The following TSHZ2 variants were observed in gnomAD, a reference collection of about 807,000 sequenced individuals.
TSHZ2 encodes the protein teashirt zinc finger homeobox 2.
Under a neutral mutation model 74.4 loss-of-function variants are expected in TSHZ2, and 21 were observed. That is an observed-to-expected ratio of 0.28 (90% CI 0.20 to 0.41). The LOEUF (loss-of-function observed/expected upper bound fraction) is 0.41, where lower values mean the gene tolerates loss of function less well. Ranked by LOEUF, TSHZ2 falls within the 10% of genes least tolerant of loss-of-function variation. TSHZ2 has a pLI of 1.00. For missense variants in TSHZ2, 1,244 were observed against 1,293.5 expected, an observed-to-expected ratio of 0.96 and a Z score of 0.59; for synonymous variants, 540 against 515.3, an observed-to-expected ratio of 1.05 and a Z score of -0.65.
chr20:53,238,729 C>T (rs1989995720), intron 1 of TSHZ2, among the ~76,000 whole-genome samples: 1 of 151,272 alleles, frequency 6.6e-6, no homozygotes, highest in African/African-American at 2.4e-5. Context: ...CCCAGAGGGC[C>T]AGAATCTCTG....
intron 2 of TSHZ2, among the ~76,000 whole-genome samples, chr20:53,318,645 G>C (rs1979123148): frequency 6.6e-6 from 1 of 152,178 alleles, no homozygotes; most frequent in East Asian, 1.9e-4. Flanking sequence ...GGGAGAAGAA[G>C]GGACAGTTGC....
chr20:53,041,971 CAAGA>C (rs1435318823), intron 1 of TSHZ2, among the ~76,000 whole-genome samples: 1 of 152,054 alleles, frequency 6.6e-6, no homozygotes, highest in Admixed American at 6.5e-5. Context: ...TTCCTCCCAG[CAAGA>C]ACAGAGAGGA....
intron 1 of TSHZ2, among the ~76,000 whole-genome samples, chr20:53,021,989 AAG>A (rs1447031217): frequency 6.6e-6 from 1 of 152,172 alleles, no homozygotes; most frequent in Non-Finnish European, 1.5e-5. Context: ...TTTTCAATAA[AAG>A]AGATAAAATC....
Position 53,256,670 on chromosome 20 carries a change from G to A in TSHZ2, c.*8+99G>A, listed in dbSNP as rs1990491261. 2.7e-6 allele frequency: 4 copies of A among 1,468,788 alleles called. No individual in the cohort carries two copies. Among genetic ancestry groups the A allele is most frequent in the African/African-American group, 2.8e-5 (2 of 71,080 alleles). 91.0% of individuals were successfully genotyped at this position (1,468,788 alleles called of 1,614,324 possible). A position where few individuals can be genotyped will look rare whatever the true frequency, so the allele number is the denominator to read the frequency against. On this transcript the variant is annotated intron_variant, in intron 2 of 2. Coordinates refer to ENST00000371497, the MANE Select transcript of TSHZ2 (RefSeq NM_173485.6). The surrounding 1 kb of genome is among the most constrained non-coding windows in gnomAD (Gnocchi z 4.3). ...GGCAGCTAGCATCTCCCAATGCCAA[G>A]CAGGATAGTAGCTTGCTGGAGTAGG... is the stretch of plus-strand genomic sequence containing the variant.
At chr20:53,016,706 G>C (rs1052607239) in intron 1 of TSHZ2, among the ~76,000 whole-genome samples, 6 of 152,120 alleles carry the variant, frequency 3.9e-5, no homozygotes, top group African/African-American at 1.4e-4. Context: ...GATAGAATTG[G>C]CTGGATTATG....
intron 2 of TSHZ2, among the ~76,000 whole-genome samples, chr20:53,477,706 C>T (rs1181122190): frequency 7.0e-6 from 1 of 143,720 alleles, no homozygotes; most frequent in African/African-American, 2.7e-5. Context: ...AAAGAAACTA[C>T]CATCAGAGTG....
At chr20:53,096,129 T>TTTTGTTTG (rs760418874) in intron 1 of TSHZ2, among the ~76,000 whole-genome samples, 4 of 152,066 alleles carry the variant, frequency 2.6e-5, no homozygotes, top group African/African-American at 7.2e-5. Flanking sequence ...CCTCTGTGTT[T>TTTTGTTTG]TTTGTTTGTC....
At chr20:53,455,522 A>C (rs528453303) in intron 2 of TSHZ2, 2 of 152,276 alleles carry the variant, frequency 1.3e-5, no homozygotes, top group East Asian at 3.9e-4. Flanking sequence ...TATTTCATAA[A>C]TGTATACTAA....
intron 1 of TSHZ2, among the ~76,000 whole-genome samples, chr20:53,135,779 T>A (rs76338000): frequency 6.6e-6 from 1 of 151,782 alleles, no homozygotes; most frequent in Non-Finnish European, 1.5e-5. Context: ...ATGTTTTATT[T>A]TTTTTTTTAG....
At chr20:53,139,359 A>C (rs577856487) in intron 1 of TSHZ2, among the ~76,000 whole-genome samples, 2 of 152,258 alleles carry the variant, frequency 1.3e-5, no homozygotes, top group South Asian at 4.1e-4. Flanking sequence ...TTATGTGGCC[A>C]CCAGACTATC....
intron 2 of TSHZ2, among the ~76,000 whole-genome samples, chr20:53,390,870 T>C (rs1246434558): frequency 4.6e-5 from 7 of 152,224 alleles, no homozygotes; most frequent in Admixed American, 4.6e-4. Flanking sequence ...TATCTCATTG[T>C]GGTTTTGATT....
Position 53,342,966 on chromosome 20 carries a change from T to C in TSHZ2, c.*8+86395T>C, listed in dbSNP as rs200827501. Among the ~76,000 whole-genome samples the C allele has an allele frequency of 6.6e-4, 79 of 118,808 alleles. No individual in the cohort carries two copies. In the East Asian group the frequency reaches 0.011, roughly 17 times the overall value. 77.9% of individuals were successfully genotyped at this position (118,808 alleles called of 152,430 possible). A position where few individuals can be genotyped will look rare whatever the true frequency, so the allele number is the denominator to read the frequency against. The stretch of plus-strand genomic sequence containing the variant: ...TTTTCTTTTCTTTTCTTTTTTTTTT[T>C]TTTTTTTTTTTTTTTTTTGAGACCA... On this transcript the variant is annotated intron_variant, in intron 2 of 2. Coordinates refer to ENST00000371497, the MANE Select transcript of TSHZ2 (RefSeq NM_173485.6).
chr20:53,013,711 GA>G (rs1414860076), intron 1 of TSHZ2, among the ~76,000 whole-genome samples: 4 of 152,288 alleles, frequency 2.6e-5, no homozygotes, highest in East Asian at 3.9e-4. Flanking sequence ...GACTACATGT[GA>G]TAACTTATAG....
intron 1 of TSHZ2, among the ~76,000 whole-genome samples, chr20:53,224,833 G>A (rs1327162337): frequency 1.4e-5 from 2 of 142,798 alleles, no homozygotes; most frequent in South Asian, 2.3e-4. Context: ...CTGGGTGACA[G>A]AGCAAGACTC....
At chr20:53,291,243 G>A (rs1650659522) in intron 2 of TSHZ2, among the ~76,000 whole-genome samples, 1 of 152,112 alleles carries the variant, frequency 6.6e-6, no homozygotes, top group Admixed American at 6.5e-5. Flanking sequence ...AGGCCGAGAT[G>A]GGTGGATTGC....
intron 2 of TSHZ2, chr20:53,397,650 C>G (rs1982501750): frequency 6.6e-6 from 1 of 152,206 alleles, no homozygotes; most frequent in Non-Finnish European, 1.5e-5. Flanking sequence ...GATTATAAAT[C>G]ATGCTGCTAT....
Position 53,374,439 on chromosome 20 carries a change from C to T in TSHZ2, c.*9-112705C>T, listed in dbSNP as rs541159173. Among the ~76,000 whole-genome samples the T allele has an allele frequency of 1.1e-4, 17 of 152,242 alleles. No homozygotes were observed. In the South Asian group the frequency reaches 3.1e-3, roughly 28 times the overall value. On this transcript the variant is annotated intron_variant, in intron 2 of 2. Coordinates refer to ENST00000371497, the MANE Select transcript of TSHZ2 (RefSeq NM_173485.6). ...CATGTCTTTACCATTGTGAATAGTGCTCTGATGAACATATGTGTGTATGTG... is the reference window on the plus strand; with the variant it reads ...CATGTCTTTACCATTGTGAATAGTGTTCTGATGAACATATGTGTGTATGTG...
At chr20:52,979,170 T>A (rs1225961347) in intron 1 of TSHZ2, among the ~76,000 whole-genome samples, 1 of 152,204 alleles carries the variant, frequency 6.6e-6, no homozygotes, top group Non-Finnish European at 1.5e-5. Flanking sequence ...CTATTTTCAC[T>A]GGATTTATAA....
intron 1 of TSHZ2, among the ~76,000 whole-genome samples, chr20:53,243,340 G>A (rs1430887868): frequency 6.6e-6 from 1 of 152,178 alleles, no homozygotes; most frequent in Non-Finnish European, 1.5e-5. Flanking sequence ...TGCACTCTAT[G>A]AGTCATCACT....
Sources: gnomAD v4.1 joint callset for allele counts (sites outside exome capture counted in the v4.1 genomes callset) on GRCh38, gnomAD v4.1.1 for gene constraint, Gnocchi (gnomAD v3.1) non-coding constraint, MANE v1.5 for transcripts, NCBI Gene and HGNC (gene_info 2026-07-23, HGNC 2026-07-21) for gene names.